Variants in RUNX2 observed in about 807,000 individuals in gnomAD.
RUNX2 encodes the protein runt-related transcription factor 2.
RUNX2 carries 10 observed loss-of-function variants against 51.7 expected under a neutral mutation model. The observed-to-expected ratio is 0.19, with a 90% confidence interval of 0.12 to 0.33. RUNX2 has a LOEUF of 0.33. RUNX2 is among the 10% of genes least tolerant of loss of function. The pLI, the probability that RUNX2 is intolerant of heterozygous loss-of-function variation, is 1.00. For synonymous variants in RUNX2, 276 were observed against 273.6 expected (o/e 1.01, Z -0.09); for missense variants, 562 against 691.3 (o/e 0.81, Z 2.10).
At chr6:45,399,793 GGGAA>G (rs1338484473) in intron 2 of RUNX2, among the ~76,000 whole-genome samples, 1 of 137,226 alleles carries the variant, frequency 7.3e-6, no homozygotes, top group Non-Finnish European at 1.6e-5. Context: ...GAGGAAAGGA[GGGAA>G]GGAAGGAAGG....
At chr6:45,328,890 C>T in intron 2 of RUNX2, 106 bp downstream of exon 2, 4 of 1,130,024 alleles carry the variant, frequency 3.5e-6, no homozygotes, top group Non-Finnish European at 4.0e-6. Context: ...ATTAAAGATC[C>T]TAATTATGCT....
chr6:45,400,114 A>G (rs1178254243), intron 2 of RUNX2, among the ~76,000 whole-genome samples: 6 of 93,526 alleles, frequency 6.4e-5, no homozygotes, highest in Non-Finnish European at 6.3e-5. Flanking sequence ...AAGGAAGGAA[A>G]GGAGGAGGGA....
At chr6:45,485,607 C>T (rs79966482) in intron 5 of RUNX2, among the ~76,000 whole-genome samples, 1,855 of 147,992 alleles carry the variant, frequency 0.013, 22 homozygotes, top group Non-Finnish European at 0.019. Context: ...GAATGGTGTG[C>T]GTCTGTTTAG....
At chr6:45,352,672 C>G (rs1792303496) in intron 2 of RUNX2, among the ~76,000 whole-genome samples, 1 of 152,022 alleles carries the variant, frequency 6.6e-6, no homozygotes, top group South Asian at 2.1e-4. Context: ...ACCTAGTATT[C>G]TGTTTATAAG....
intron 5 of RUNX2, among the ~76,000 whole-genome samples, chr6:45,445,175 C>A (rs550595282): frequency 3.0e-3 from 454 of 152,178 alleles, no homozygotes; most frequent in Non-Finnish European, 5.2e-3. Context: ...CAAGTGTGTG[C>A]CACCACACCT....
intron 3 of RUNX2, among the ~76,000 whole-genome samples, chr6:45,423,795 G>T (rs1798305965): frequency 6.6e-6 from 1 of 152,202 alleles, no homozygotes; most frequent in South Asian, 2.1e-4. Flanking sequence ...CGAAGCGGGG[G>T]CGTTCAGGGG....
chr6:45,350,225 C>T (rs144130148), intron 2 of RUNX2, among the ~76,000 whole-genome samples: 1 of 152,154 alleles, frequency 6.6e-6, no homozygotes, highest in East Asian at 1.9e-4. Flanking sequence ...TCTCCAGAGC[C>T]TAGAATGGTG....
intron 4 of RUNX2, among the ~76,000 whole-genome samples, chr6:45,436,189 C>G (rs1798679133): frequency 6.6e-6 from 1 of 151,974 alleles, no homozygotes; most frequent in African/African-American, 2.4e-5. Flanking sequence ...TTTACTGTTT[C>G]TTGGGCACAT....
chr6:45,530,556 T>C (rs1459483114), intron 7 of RUNX2, among the ~76,000 whole-genome samples: 1 of 152,230 alleles, frequency 6.6e-6, no homozygotes, highest in African/African-American at 2.4e-5. Context: ...GACAGTGGAC[T>C]CTGGCAGCTT....
chr6:45,346,823 C>T (rs186618293), intron 2 of RUNX2, among the ~76,000 whole-genome samples: 60 of 152,174 alleles, frequency 3.9e-4, no homozygotes, highest in African/African-American at 1.4e-3. Context: ...CCTTGGCCCC[C>T]CAAAGTGCTA....
At chr6:45,424,206 T>TTTAGGATGAGGG (rs1563080393) in intron 3 of RUNX2, among the ~76,000 whole-genome samples, 3 of 152,030 alleles carry the variant, frequency 2.0e-5, no homozygotes, top group African/African-American at 7.2e-5. Flanking sequence ...CAGGTTGAGG[T>TTTAGGATGAGGG]TTTAGGATCT....
At chr6:45,458,022 A>ATTTTTT (rs67652614) in intron 5 of RUNX2, among the ~76,000 whole-genome samples, 38,199 of 137,134 alleles carry the variant, frequency 0.28, 5,768 homozygotes, top group Non-Finnish European at 0.33. Flanking sequence ...CTGGGATAGG[A>ATTTTTT]TTTTTTTTTT....
intron 2 of RUNX2, among the ~76,000 whole-genome samples, chr6:45,329,843 T>C (rs1473464790): frequency 6.6e-6 from 1 of 151,982 alleles, no homozygotes; most frequent in East Asian, 1.9e-4. Context: ...CAAGATTCTC[T>C]TTATGATCTC....
At chr6:45,358,022 C>A (rs568186608) in intron 2 of RUNX2, among the ~76,000 whole-genome samples, 1 of 152,004 alleles carries the variant, frequency 6.6e-6, no homozygotes, top group Admixed American at 6.5e-5. Flanking sequence ...ATCTGACTTG[C>A]CAAAGTAGCC....
chr6:45,518,021 T>A (rs2150426770), intron 7 of RUNX2, among the ~76,000 whole-genome samples: 2 of 152,278 alleles, frequency 1.3e-5, no homozygotes, highest in Middle Eastern at 6.8e-3. Context: ...AGGAATGCCT[T>A]AAGAAAGGTT....
chr6:45,533,626 G>A lies in RUNX2; in HGVS notation c.1022-11591G>A, dbSNP rs186971071. Among the ~76,000 whole-genome samples, 383 of 152,212 alleles carry A rather than the reference G, an allele frequency of 2.5e-3. 4 individuals carry two copies. Among genetic ancestry groups the A allele is most frequent in the Admixed American group, 0.023 (349 of 15,292 alleles). ...TTACTACAACACTACATTTGGATTC[G>A]GAAGTTACATAAGGAGCATTGTCTC... On this transcript the variant is annotated intron_variant, in intron 7 of 8. Coordinates refer to ENST00000647337, the MANE Select transcript of RUNX2 (RefSeq NM_001024630.4).
At chr6:45,369,470 C>T (rs1190430051) in intron 2 of RUNX2, among the ~76,000 whole-genome samples, 2 of 152,098 alleles carry the variant, frequency 1.3e-5, no homozygotes, top group Non-Finnish European at 2.9e-5. Flanking sequence ...GAGCCTCTGT[C>T]CCACAGTGAA....
At chr6:45,475,193 A>G (rs1799922455) in intron 5 of RUNX2, among the ~76,000 whole-genome samples, 1 of 152,034 alleles carries the variant, frequency 6.6e-6, no homozygotes. Flanking sequence ...AACTATGATT[A>G]TGTGACAGAA....
rs756994317 is a variant in RUNX2 at position 45,492,130 on chromosome 6, A to G, written c.859+16A>G. On this transcript the variant is annotated intron_variant, in intron 6 of 8. Coordinates refer to ENST00000647337, the MANE Select transcript of RUNX2 (RefSeq NM_001024630.4). Reference sequence around the variant, plus strand: ...CAGATTACAGGTAAGACAGACTCATAGGTTTCACTTGCATAGACGCTGGCA... The same window carrying G: ...CAGATTACAGGTAAGACAGACTCATGGGTTTCACTTGCATAGACGCTGGCA... 1 of 1,613,254 alleles carries G rather than the reference A, an allele frequency of 6.2e-7. No homozygotes were observed. Among genetic ancestry groups the G allele is most frequent in the Non-Finnish European group, 8.5e-7 (1 of 1,179,502 alleles).
Sources: gnomAD v4.1 joint callset for allele counts (sites outside exome capture counted in the v4.1 genomes callset) on GRCh38, gnomAD v4.1.1 for gene constraint, MANE v1.5 for transcripts, NCBI Gene and HGNC (gene_info 2026-07-23, HGNC 2026-07-21) for gene names.